Variants in ADAMTS16 observed in about 807,000 individuals in gnomAD.
The protein encoded by ADAMTS16 is A disintegrin and metalloproteinase with thrombospondin motifs 16.
A neutral mutation model predicts 145.8 loss-of-function variants in ADAMTS16; 94 were observed. The ratio of observed to expected loss-of-function variants is 0.64; its 90% CI spans 0.55 to 0.77. ADAMTS16 has a LOEUF of 0.77. ADAMTS16 is among the 30% of genes least tolerant of loss of function. ADAMTS16 has a pLI of 0.00. For synonymous variants in ADAMTS16, 659 were observed against 604.3 expected, an observed-to-expected ratio of 1.09 and a Z score of -1.33; for missense variants, 1,585 against 1,591.5, an observed-to-expected ratio of 1.00 and a Z score of 0.07.
Position 5,239,755 on chromosome 5 carries a change from T to C in ADAMTS16, c.2353T>C (p.Tyr785His). The change falls in exon 16 of 23, where the codon TAC (tyrosine) becomes CAC (histidine). Residue 785 changes from tyrosine (Y) to histidine (H), a missense_variant. Tyr to His is a moderately conservative substitution (Grantham distance 83). This residue lies in a region of ADAMTS16 where 834 missense variants were observed against 811.7 expected (regional missense o/e 1.03). Transcript: ENST00000274181. The part of the protein sequence containing the change: ...RIYEMNVSTS[Y>H]ISVRNALRRY... The stretch of plus-strand genomic sequence containing the variant: ...CTATGAAATGAACGTCTCTACCTCC[T>C]ACATTTCTGTGCGCAATGCCCTCAG... The C allele has an allele frequency of 1.2e-6, 2 of 1,614,186 alleles. No individual in the cohort carries two copies. The highest frequency in any genetic ancestry group is 1.7e-6 in the Non-Finnish European group (2 of 1,180,040).
rs1209244809 is a variant in ADAMTS16 at position 5,310,345 on chromosome 5, C to G, written c.3411+3617C>G. Among the ~76,000 whole-genome samples, 3 of 152,204 alleles carry G rather than the reference C, an allele frequency of 2.0e-5. No individual in the cohort carries two copies. The highest frequency in any genetic ancestry group is 4.4e-5 in the Non-Finnish European group (3 of 68,040). ...TCCAGCCCGCCACTGGTCATCTCTC[C>G]TCTGGAGAGGGACCCCACACTGTGT... is the stretch of plus-strand genomic sequence containing the variant. On this transcript the variant is annotated intron_variant, in intron 21 of 22. Coordinates refer to ENST00000274181, the MANE Select transcript of ADAMTS16 (RefSeq NM_139056.4). This position sits in a 1 kb window ranked among gnomAD's most constrained non-coding sequence, Gnocchi z 4.3.
intron 3 of ADAMTS16, among the ~76,000 whole-genome samples, chr5:5,180,347 A>T (rs1253589191): frequency 1.3e-5 from 2 of 152,232 alleles, no homozygotes; most frequent in Non-Finnish European, 2.9e-5. Flanking sequence ...AGATTGCATT[A>T]TAAAATTAGA....
chr5:5,262,694 G>C lies in ADAMTS16; in HGVS notation c.2700G>C (p.Leu900=). The part of the protein sequence containing the change: ...MTVREGCYRD[L]KFQVNMSFCN... ...TGAGAGAGGGCTGCTACAGAGACCT[G>C]AAGTTTCAAGTAAATATGTCCTTCT... Residue 900 remains leucine, a synonymous_variant, in exon 18 of 23, where the codon CTG becomes CTC. Coordinates refer to ENST00000274181, the MANE Select transcript of ADAMTS16 (RefSeq NM_139056.4). 3 of 1,614,212 alleles carry C rather than the reference G, an allele frequency of 1.9e-6. No homozygotes were observed. Among genetic ancestry groups the C allele is most frequent in the African/African-American group, 1.3e-5 (1 of 75,062 alleles).
intron 21 of ADAMTS16, among the ~76,000 whole-genome samples, chr5:5,313,173 T>C (rs1021710607): frequency 3.3e-5 from 5 of 152,164 alleles, no homozygotes; most frequent in African/African-American, 1.2e-4. Flanking sequence ...TGTTCTGAGG[T>C]TGTAACTTTT....
intron 17 of ADAMTS16, among the ~76,000 whole-genome samples, chr5:5,256,681 G>T (rs996130440): frequency 3.9e-5 from 6 of 152,160 alleles, no homozygotes; most frequent in Non-Finnish European, 8.8e-5. Context: ...TTCCTTATTT[G>T]CTTAGTTAAG....
Position 5,262,732 on chromosome 5 carries a change from C to A in ADAMTS16, c.2738C>A (p.Thr913Lys). 1 of 1,614,252 alleles carries A rather than the reference C, an allele frequency of 6.2e-7. No homozygotes were observed. The highest frequency in any genetic ancestry group is 1.1e-5 in the South Asian group (1 of 91,088). ...QVNMSFCNPKTRPVTGLVPCK... is the reference protein window; with the variant it reads ...QVNMSFCNPKKRPVTGLVPCK... Reference sequence around the variant, plus strand: ...AATATGTCCTTCTGCAATCCCAAGACACGACCTGTCACGGGGCTGGTGCCT... The same window carrying A: ...AATATGTCCTTCTGCAATCCCAAGAAACGACCTGTCACGGGGCTGGTGCCT... The change falls in exon 18 of 23, where the codon ACA (threonine) becomes AAA (lysine). Residue 913 changes from threonine (T) to lysine (K), a missense_variant. Physicochemically the swap from Thr to Lys is moderately conservative, Grantham distance 78 (BLOSUM62 -1). Coordinates refer to ENST00000274181, the MANE Select transcript of ADAMTS16 (RefSeq NM_139056.4).
At position 5,190,093 on chromosome 5, in the gene ADAMTS16, T is replaced by C; in HGVS notation, c.1170T>C (p.Asp390=). 6.2e-7 allele frequency: 1 copy of C among 1,608,192 alleles called. No individual in the cohort carries two copies. ...HDHAILLTGL[D]ICSWKNEPCD... Reference sequence around the variant, plus strand: ...ACGCCATCTTACTGACTGGTCTGGATATATGTTCCTGGAAGAATGAGCCCT... The same window carrying C: ...ACGCCATCTTACTGACTGGTCTGGACATATGTTCCTGGAAGAATGAGCCCT... The change falls in exon 7 of 23, where the codon GAT becomes GAC. Residue 390 remains aspartate, a synonymous_variant. Transcript: ENST00000274181.
At chr5:5,174,898 T>C (rs1347780685) in intron 3 of ADAMTS16, among the ~76,000 whole-genome samples, 3 of 152,306 alleles carry the variant, frequency 2.0e-5, no homozygotes, top group Non-Finnish European at 4.4e-5. Flanking sequence ...GTGTGGTGAA[T>C]GCTGCCAGGA....
chr5:5,295,007 TA>T (rs1020346560), intron 18 of ADAMTS16, among the ~76,000 whole-genome samples: 3 of 152,048 alleles, frequency 2.0e-5, no homozygotes, highest in African/African-American at 4.8e-5. Context: ...AAAAATTATT[TA>T]AAAAAAATGC....
At chr5:5,288,641 A>C (rs1025415953) in intron 18 of ADAMTS16, among the ~76,000 whole-genome samples, 9 of 152,238 alleles carry the variant, frequency 5.9e-5, no homozygotes, top group African/African-American at 2.2e-4. Flanking sequence ...GCATCACATA[A>C]ATTGCCGTTG....
intron 7 of ADAMTS16, 68 bp downstream of exon 7, chr5:5,190,198 G>T: frequency 6.8e-7 from 1 of 1,468,016 alleles, no homozygotes; most frequent in Admixed American, 2.6e-5. Flanking sequence ...ACACAGTGTT[G>T]AGTATTTTTG....
At chr5:5,201,872 C>G (rs1035787211) in intron 9 of ADAMTS16, among the ~76,000 whole-genome samples, 1 of 152,238 alleles carries the variant, frequency 6.6e-6, no homozygotes, top group African/African-American at 2.4e-5. Context: ...ACCGGCCTCT[C>G]TGGTTCCTTT....
At chr5:5,250,736 T>TGTGTGTGTGTGTGTGTGTGC (rs764397980) in intron 17 of ADAMTS16, among the ~76,000 whole-genome samples, 2 of 141,812 alleles carry the variant, frequency 1.4e-5, no homozygotes, top group Non-Finnish European at 3.2e-5. Flanking sequence ...TGTGTGTGTG[T>TGTGTGTGTGTGTGTGTGTGC]GCGCGCACTC....
intron 2 of ADAMTS16, among the ~76,000 whole-genome samples, chr5:5,144,931 G>C (rs1380864855): frequency 6.6e-6 from 1 of 152,162 alleles, no homozygotes; most frequent in African/African-American, 2.4e-5. Context: ...AGAGTGGGAA[G>C]GGTGGAGCCC....
intron 2 of ADAMTS16, 22 bp from the exon 3 acceptor site, chr5:5,146,107 TC>T (rs1175876701): frequency 6.3e-7 from 1 of 1,598,170 alleles, no homozygotes; most frequent in Non-Finnish European, 8.6e-7. Flanking sequence ...TGACTCAGCC[TC>T]TGCTCACTCT....
At chr5:5,191,273 G>C (rs1178157149) in intron 7 of ADAMTS16, among the ~76,000 whole-genome samples, 2 of 152,166 alleles carry the variant, frequency 1.3e-5, no homozygotes, top group Non-Finnish European at 2.9e-5. Context: ...GGGTGGTCTT[G>C]GGGACCTCCC....
chr5:5,222,749 T>C, intron 10 of ADAMTS16, 40 bp from the exon 11 acceptor site: 2 of 1,472,562 alleles, frequency 1.4e-6, no homozygotes. Flanking sequence ...GAATTGACAA[T>C]ATGATGTAAT....
chr5:5,309,098 C>T (rs1031141122), intron 21 of ADAMTS16, among the ~76,000 whole-genome samples: 6 of 152,176 alleles, frequency 3.9e-5, no homozygotes. Context: ...CTCACACACA[C>T]ATGCATAAAC....
At chr5:5,282,824 T>A (rs777385523) in intron 18 of ADAMTS16, among the ~76,000 whole-genome samples, 10 of 152,234 alleles carry the variant, frequency 6.6e-5, no homozygotes, top group East Asian at 1.9e-4. Flanking sequence ...GAAACCATTT[T>A]AAAAAATTTT....
Sources: allele counts gnomAD v4.1 joint callset (sites outside exome capture counted in the v4.1 genomes callset), GRCh38; gene constraint gnomAD v4.1.1; regional missense constraint gnomAD v4.1.1; non-coding constraint Gnocchi (gnomAD v3.1); transcripts MANE v1.5; gene names NCBI Gene and HGNC (gene_info 2026-07-23, HGNC 2026-07-21).